Variants in RNLS observed in about 807,000 individuals in gnomAD.
RNLS encodes the protein renalase.
In RNLS, 39 loss-of-function variants were observed where a neutral mutation model predicts 39.8. The observed-to-expected ratio is 0.98, with a 90% CI of 0.76 to 1.28. The LOEUF is 1.28. RNLS is among the 50% of genes most tolerant of loss of function. RNLS has a pLI of 0.00. For synonymous variants in RNLS, 147 were observed against 150.7 expected (o/e 0.98, Z 0.18); for missense variants, 410 against 413.3 (o/e 0.99, Z 0.07).
chr10:88,257,447 C>G, the RNLS span, among the ~76,000 whole-genome samples: 1 of 152,138 alleles, frequency 6.6e-6, no homozygotes, highest in African/African-American at 2.4e-5. Context: ...TTAGAGACCA[C>G]AAAATACCCT....
chr10:88,575,266 ATGTG>A (rs113818151), intron 3 of RNLS, among the ~76,000 whole-genome samples: 3 of 142,606 alleles, frequency 2.1e-5, no homozygotes, highest in Non-Finnish European at 4.6e-5. Context: ...GTATATGTAT[ATGTG>A]TGTGTGTGTG....
intron 4 of RNLS, among the ~76,000 whole-genome samples, chr10:88,378,529 T>TA (rs1421711845): frequency 6.6e-6 from 1 of 152,130 alleles, no homozygotes; most frequent in South Asian, 2.1e-4. Flanking sequence ...AAATTGGCCA[T>TA]AAAAAATTAT....
chr10:88,198,142 T>G, the RNLS span, among the ~76,000 whole-genome samples: 1 of 152,216 alleles, frequency 6.6e-6, no homozygotes, highest in African/African-American at 2.4e-5. Flanking sequence ...GGCCCTGTGC[T>G]TTTCATCACT....
chr10:88,402,305 CAGAG>C (rs1852972760), intron 4 of RNLS, among the ~76,000 whole-genome samples: 1 of 151,860 alleles, frequency 6.6e-6, no homozygotes, highest in South Asian at 2.1e-4. Flanking sequence ...GAAAGTATGC[CAGAG>C]AGACACATAT....
chr10:88,516,205 T>C (rs1589937679), intron 4 of RNLS, among the ~76,000 whole-genome samples: 1 of 152,072 alleles, frequency 6.6e-6, no homozygotes, highest in Non-Finnish European at 1.5e-5. Flanking sequence ...CCTAGCAAAC[T>C]AACACAAAGG....
At position 88,448,707 on chromosome 10, in the gene RNLS, T is replaced by G. The variant is rs558606549; in HGVS notation, c.527-85982A>C. Among the ~76,000 whole-genome samples the G allele has an allele frequency of 4.6e-5, 7 of 152,358 alleles. No individual in the cohort carries two copies. The South Asian group carries it at 1.4e-3, about 32-fold the overall frequency. On this transcript the variant is annotated intron_variant, in intron 4 of 6. Transcript: ENST00000331772. ...TATATAGACACATGCACATGTATGT[T>G]TATTGAGGCACTGTTCACAATAGCA...
At chr10:88,546,357 G>T (rs1167109033) in intron 4 of RNLS, among the ~76,000 whole-genome samples, 1 of 151,708 alleles carries the variant, frequency 6.6e-6, no homozygotes, top group Non-Finnish European at 1.5e-5. Context: ...ATTATAAAAA[G>T]AAAAAATGAT....
chr10:88,314,404 C>T, intron 6 of RNLS, 62 bp downstream of exon 6: 5 of 1,528,764 alleles, frequency 3.3e-6, no homozygotes, highest in Non-Finnish European at 4.5e-6. Context: ...AAAGAAGTAA[C>T]ATCAGTTCTG....
intron 4 of RNLS, among the ~76,000 whole-genome samples, chr10:88,439,037 C>T (rs1841568022): frequency 6.6e-6 from 1 of 152,210 alleles, no homozygotes; most frequent in Non-Finnish European, 1.5e-5. Flanking sequence ...CTGATACACA[C>T]AGGTCAATCC....
chr10:88,577,778 C>A (rs1381077270), intron 3 of RNLS, among the ~76,000 whole-genome samples: 1 of 152,114 alleles, frequency 6.6e-6, no homozygotes, highest in Non-Finnish European at 1.5e-5. Context: ...ACACATCGGA[C>A]AATAAATTAA....
the RNLS span, among the ~76,000 whole-genome samples, chr10:88,201,080 CA>C: frequency 6.6e-6 from 1 of 151,546 alleles, no homozygotes; most frequent in African/African-American, 2.4e-5. Context: ...CCTTTCTTAG[CA>C]ATCAGCTTCT....
At position 88,285,359 on chromosome 10, in the gene RNLS, T is replaced by C; in HGVS notation, c.1024A>G (p.Ile342Val). Residue 342 changes from isoleucine to valine, a missense_variant, in exon 7 of 7, where the codon ATT becomes GTT. Coordinates refer to ENST00000331772, the MANE Select transcript of RNLS (RefSeq NM_001031709.3). ...AGAGAATAAGGATATAGGCACTAAA[T>C]ATAATTCTTTAAAGCTTCCAGAACA... ...LCVLEALKNY[I>V] 1 of 1,611,170 alleles carries C rather than the reference T, an allele frequency of 6.2e-7. No homozygotes were observed. The highest frequency in any genetic ancestry group is 8.5e-7 in the Non-Finnish European group (1 of 1,178,066).
At chr10:88,185,299 C>T in the RNLS span, among the ~76,000 whole-genome samples, 2 of 152,124 alleles carry the variant, frequency 1.3e-5, no homozygotes, top group African/African-American at 4.8e-5. Context: ...AAGATCTGCT[C>T]ATTTTACCTT....
chr10:88,275,082 G>A (rs1266872804), intron 6 of RNLS: 1 of 1,307,382 alleles, frequency 7.6e-7, no homozygotes, highest in Admixed American at 1.7e-5. Flanking sequence ...CAACACAATG[G>A]CCTCTGACAC....
chr10:88,341,036 G>A (rs1490771289), intron 5 of RNLS, among the ~76,000 whole-genome samples: 1 of 138,356 alleles, frequency 7.2e-6, no homozygotes, highest in African/African-American at 2.7e-5. Flanking sequence ...TCCAGCTGGG[G>A]TAACAGAGCA....
At chr10:88,546,471 C>T (rs957187834) in intron 4 of RNLS, among the ~76,000 whole-genome samples, 1 of 151,850 alleles carries the variant, frequency 6.6e-6, no homozygotes, top group African/African-American at 2.4e-5. Flanking sequence ...CAAAGAGTTC[C>T]CTGATTTATG....
chr10:88,256,180 A>G, the RNLS span, among the ~76,000 whole-genome samples: 1 of 152,164 alleles, frequency 6.6e-6, no homozygotes, highest in Non-Finnish European at 1.5e-5. Context: ...TCAGAAAGCT[A>G]TTTGCAAGGA....
At chr10:88,220,170 G>C in the RNLS span, among the ~76,000 whole-genome samples, 4,343 of 152,288 alleles carry the variant, frequency 0.029, 188 homozygotes, top group African/African-American at 0.088. Context: ...AGAGGACAAT[G>C]CTGGTGCCAG....
At chr10:88,568,703 AAG>A (rs1201407309) in intron 4 of RNLS, among the ~76,000 whole-genome samples, 2 of 152,166 alleles carry the variant, frequency 1.3e-5, no homozygotes, top group East Asian at 3.9e-4. Context: ...ATGTGAGGAA[AAG>A]AGATACAAAT....
Sources: gnomAD v4.1 joint callset for allele counts (sites outside exome capture counted in the v4.1 genomes callset) on GRCh38, gnomAD v4.1.1 for gene constraint, MANE v1.5 for transcripts, NCBI Gene and HGNC (gene_info 2026-07-23, HGNC 2026-07-21) for gene names.